Variants in L3MBTL4 observed in about 807,000 individuals in gnomAD.
L3MBTL4 encodes the protein lethal(3)malignant brain tumor-like protein 4.
A neutral mutation model predicts 84.5 loss-of-function variants in L3MBTL4; 70 were observed. That is an observed-to-expected ratio of 0.83 (90% CI 0.68 to 1.01). The LOEUF (loss-of-function observed/expected upper bound fraction) is 1.01. Ranked by LOEUF, L3MBTL4 falls within the 50% of genes least tolerant of loss-of-function variation. L3MBTL4 has a pLI of 0.00. For missense variants in L3MBTL4, 715 were observed against 754.8 expected, an observed-to-expected ratio of 0.95 and a Z score of 0.62; for synonymous variants, 274 against 259.8, an observed-to-expected ratio of 1.05 and a Z score of -0.52.
chr18:6,166,902 A>C (rs1228408258), intron 13 of L3MBTL4, among the ~76,000 whole-genome samples: 1 of 152,210 alleles, frequency 6.6e-6, no homozygotes, highest in East Asian at 1.9e-4. Context: ...GATTTTTGAA[A>C]AGATCAACAA....
intron 16 of L3MBTL4, chr18:6,030,191 A>G: frequency 2.4e-6 from 2 of 822,380 alleles, no homozygotes; most frequent in Non-Finnish European, 2.9e-6. Flanking sequence ...GACACACAAG[A>G]GAAGTATACA....
intron 16 of L3MBTL4, among the ~76,000 whole-genome samples, chr18:6,072,724 C>T (rs1236357317): frequency 3.2e-4 from 48 of 148,342 alleles, no homozygotes; most frequent in Non-Finnish European, 1.6e-4. Flanking sequence ...GGCGTAGTGG[C>T]GGGCCCCTGT....
At chr18:6,400,472 C>T (rs369034463) in intron 1 of L3MBTL4, among the ~76,000 whole-genome samples, 17 of 152,164 alleles carry the variant, frequency 1.1e-4, no homozygotes, top group Non-Finnish European at 1.9e-4. Flanking sequence ...TGCAGTGGTG[C>T]GAACATGGCT....
At chr18:6,015,889 C>T (rs570010183) in intron 16 of L3MBTL4, among the ~76,000 whole-genome samples, 15 of 152,108 alleles carry the variant, frequency 9.9e-5, no homozygotes, top group Non-Finnish European at 1.2e-4. Flanking sequence ...GAATCCGGGA[C>T]GCGGAGGTTG....
chr18:6,200,875 G>A (rs2045620649), intron 12 of L3MBTL4, among the ~76,000 whole-genome samples: 1 of 152,162 alleles, frequency 6.6e-6, no homozygotes, highest in South Asian at 2.1e-4. Context: ...TTTAGTTAAT[G>A]CCAAAGGCTA....
At chr18:6,003,470 A>G (rs1444400462) in intron 16 of L3MBTL4, among the ~76,000 whole-genome samples, 1 of 152,024 alleles carries the variant, frequency 6.6e-6, no homozygotes, top group Non-Finnish European at 1.5e-5. Context: ...TGACTTCAAT[A>G]CTTCACTCTC....
At chr18:6,078,020 T>G (rs769862124) in intron 16 of L3MBTL4, among the ~76,000 whole-genome samples, 3 of 150,954 alleles carry the variant, frequency 2.0e-5, no homozygotes, top group African/African-American at 7.3e-5. Flanking sequence ...AGAGCAAGAC[T>G]TCGTCTCAAT....
At chr18:6,041,012 C>A (rs1376728394) in intron 16 of L3MBTL4, among the ~76,000 whole-genome samples, 4 of 152,198 alleles carry the variant, frequency 2.6e-5, no homozygotes, top group Admixed American at 1.3e-4. Flanking sequence ...AAATGTGTCA[C>A]AACAAAGAAA....
At chr18:6,011,059 G>A (rs552272424) in intron 16 of L3MBTL4, among the ~76,000 whole-genome samples, 2 of 152,246 alleles carry the variant, frequency 1.3e-5, no homozygotes, top group African/African-American at 4.8e-5. Context: ...GCTAAGTGCC[G>A]GCATGGGAAG....
At chr18:6,311,144 C>T (rs434255) in intron 3 of L3MBTL4, among the ~76,000 whole-genome samples, 6,937 of 151,992 alleles carry the variant, frequency 0.046, 432 homozygotes, top group African/African-American at 0.15. Flanking sequence ...CCCTCTCTCT[C>T]GCTTGCTAGC....
chr18:6,264,557 G>C (rs2048545657), intron 4 of L3MBTL4, among the ~76,000 whole-genome samples: 1 of 152,166 alleles, frequency 6.6e-6, no homozygotes, highest in Non-Finnish European at 1.5e-5. Context: ...GCCAAGGCAG[G>C]TGGATCACCT....
chr18:6,194,268 G>T (rs1293284759), intron 12 of L3MBTL4, among the ~76,000 whole-genome samples: 2 of 152,032 alleles, frequency 1.3e-5, no homozygotes, highest in Non-Finnish European at 2.9e-5. Flanking sequence ...TTCAAATGAG[G>T]ACAGTGACTC....
intron 18 of L3MBTL4, among the ~76,000 whole-genome samples, chr18:5,957,085 G>T (rs1203090380): frequency 6.6e-6 from 1 of 152,140 alleles, no homozygotes; most frequent in Non-Finnish European, 1.5e-5. Flanking sequence ...TAGAATAGTG[G>T]TTAGTTTTTA....
intron 12 of L3MBTL4, among the ~76,000 whole-genome samples, chr18:6,189,739 T>C (rs1344510898): frequency 6.6e-6 from 1 of 151,978 alleles, no homozygotes; most frequent in Non-Finnish European, 1.5e-5. Flanking sequence ...ATATCTGAAA[T>C]TAAGAATTCA....
chr18:6,228,482 G>A (rs574150436), intron 10 of L3MBTL4, among the ~76,000 whole-genome samples: 1 of 151,790 alleles, frequency 6.6e-6, no homozygotes, highest in Admixed American at 6.6e-5. Context: ...GAAAATATTT[G>A]CAAAATACAT....
intron 15 of L3MBTL4, among the ~76,000 whole-genome samples, chr18:6,089,852 G>A (rs1231957543): frequency 6.6e-6 from 1 of 152,138 alleles, no homozygotes; most frequent in Non-Finnish European, 1.5e-5. Flanking sequence ...CTGAAAATAT[G>A]CTGTATTTAA....
At chr18:6,270,715 G>A (rs11876201) in intron 4 of L3MBTL4, among the ~76,000 whole-genome samples, 7,213 of 152,250 alleles carry the variant, frequency 0.047, 567 homozygotes, top group African/African-American at 0.16. Flanking sequence ...TCTGGGAAGG[G>A]TTCAGCACAA....
intron 13 of L3MBTL4, among the ~76,000 whole-genome samples, chr18:6,148,156 G>T (rs867668159): frequency 6.6e-6 from 1 of 152,116 alleles, no homozygotes; most frequent in Admixed American, 6.5e-5. Flanking sequence ...TGGATAAAAT[G>T]ACAATAAAGA....
At chr18:6,370,657 G>T (rs1319656830) in intron 1 of L3MBTL4, among the ~76,000 whole-genome samples, 1 of 152,124 alleles carries the variant, frequency 6.6e-6, no homozygotes, top group Non-Finnish European at 1.5e-5. Context: ...ATGTGTGTAT[G>T]ATTCAAAGGT....
Sources: gnomAD v4.1 joint callset for allele counts (sites outside exome capture counted in the v4.1 genomes callset) on GRCh38, gnomAD v4.1.1 for gene constraint, MANE v1.5 for transcripts, NCBI Gene and HGNC (gene_info 2026-07-23, HGNC 2026-07-21) for gene names.